Variants in LNX1 observed in about 807,000 individuals in gnomAD.
LNX1 encodes the protein E3 ubiquitin-protein ligase LNX.
LNX1 carries 54 observed loss-of-function variants against 68.4 expected under a neutral mutation model. The ratio of observed to expected loss-of-function variants is 0.79; its 90% confidence interval spans 0.63 to 0.99. The LOEUF (loss-of-function observed/expected upper bound fraction) is 0.99, where lower values mean the gene tolerates loss of function less well. Ranked by LOEUF, LNX1 falls within the 50% of genes least tolerant of loss-of-function variation. LNX1 has a pLI of 0.00. For synonymous variants in LNX1, 336 were observed against 350.0 expected (o/e 0.96, Z 0.45); for missense variants, 906 against 926.4 (o/e 0.98, Z 0.29).
intron 1 of LNX1, among the ~76,000 whole-genome samples, chr4:53,636,979 A>C (rs1353783364): frequency 1.4e-5 from 2 of 146,074 alleles, no homozygotes; most frequent in Non-Finnish European, 3.0e-5. Context: ...ATGGCAACTG[A>C]GATGATGATT....
Position 53,460,935 on chromosome 4 carries a change from A to C in LNX1, c.2159T>G (p.Ile720Ser). ...KELKGRITLT[I>S]VSWPGTFL The stretch of plus-strand genomic sequence containing the variant: ...TAAAAAAGTGCCAGGCCAAGAAACA[A>C]TAGTTAGAGTAATTCTTCCTTTAAG... Residue 720 changes from isoleucine to serine, a missense_variant, in exon 11 of 11, where the codon ATT becomes AGT. Physicochemically the swap from Ile to Ser is moderately radical, Grantham distance 142. Coordinates refer to ENST00000263925, the MANE Select transcript of LNX1 (RefSeq NM_001126328.3). 1 of 1,610,752 alleles carries C rather than the reference A, an allele frequency of 6.2e-7. No homozygotes were observed. The highest frequency in any genetic ancestry group is 8.5e-7 in the Non-Finnish European group (1 of 1,178,696).
chr4:53,537,505 A>G (rs1423426248), intron 2 of LNX1, among the ~76,000 whole-genome samples: 1 of 152,248 alleles, frequency 6.6e-6, no homozygotes. Context: ...TTTTATAGCA[A>G]TACACAGTGA....
intron 2 of LNX1, among the ~76,000 whole-genome samples, chr4:53,564,222 G>T (rs554418984): frequency 8.5e-5 from 13 of 152,328 alleles, no homozygotes; most frequent in African/African-American, 3.1e-4. Context: ...CACACGGGCT[G>T]CATGGGCTAA....
At chr4:53,627,838 T>C (rs777373288) in intron 1 of LNX1, among the ~76,000 whole-genome samples, 33 of 152,268 alleles carry the variant, frequency 2.2e-4, no homozygotes, top group Middle Eastern at 6.8e-3. Context: ...CCCTCCTCAT[T>C]AGCCAGTTCT....
chr4:53,542,748 G>A (rs912866962), intron 2 of LNX1, among the ~76,000 whole-genome samples: 2 of 152,184 alleles, frequency 1.3e-5, no homozygotes, highest in Non-Finnish European at 2.9e-5. Context: ...GTAAGAATAG[G>A]GGTCAAGGTG....
intron 1 of LNX1, among the ~76,000 whole-genome samples, chr4:53,635,483 T>G (rs1376981230): frequency 6.6e-6 from 1 of 152,208 alleles, no homozygotes; most frequent in Non-Finnish European, 1.5e-5. Flanking sequence ...CTAATGAATA[T>G]TTATAATTAG....
chr4:53,500,242 A>G (rs1332074089), intron 4 of LNX1: 22 of 151,782 alleles, frequency 1.4e-4, no homozygotes, highest in Admixed American at 1.4e-3. Context: ...ATGAGCCAGC[A>G]GCACCGACTG....
At chr4:53,520,443 C>T (rs1277652623) in intron 2 of LNX1, among the ~76,000 whole-genome samples, 1 of 152,148 alleles carries the variant, frequency 6.6e-6, no homozygotes, top group Non-Finnish European at 1.5e-5. Flanking sequence ...TCTTCAGAGA[C>T]GCCAGAATCG....
At position 53,461,061 on chromosome 4, in the gene LNX1, CAAG is replaced by C. The variant is rs986587904; in HGVS notation, c.2052-22_2052-20del. The C allele has an allele frequency of 1.3e-6, 2 of 1,532,190 alleles. No individual in the cohort carries two copies. The highest frequency in any genetic ancestry group is 2.9e-5 in the African/African-American group (2 of 69,752). The allele number at this position is 1,532,190 out of a possible 1,614,324, so 94.9% of individuals were successfully genotyped here. On this transcript the variant is annotated intron_variant, in intron 10 of 10. Transcript: ENST00000263925. ...ACCACATCTAAAAAAAAAAACAAAA[CAAG>C]ATATGATTAGTATTTTAATTCGTTG...
chr4:53,473,238 A>G (rs1723353649), intron 9 of LNX1, among the ~76,000 whole-genome samples: 1 of 152,250 alleles, frequency 6.6e-6, no homozygotes, highest in Non-Finnish European at 1.5e-5. Context: ...CCAATGGAAC[A>G]GAACACAAAA....
chr4:53,502,248 A>G lies in LNX1; in HGVS notation c.776-3405T>C, dbSNP rs372135243. ...AGTCACATGGATTACACTGTCCCCTATGGCTGCTATGGTCATTAATTTATA... is the reference window on the plus strand; with the variant it reads ...AGTCACATGGATTACACTGTCCCCTGTGGCTGCTATGGTCATTAATTTATA... On this transcript the variant is annotated intron_variant, in intron 4 of 10. Transcript: ENST00000263925. Among the ~76,000 whole-genome samples, 69 of 152,244 alleles carry G rather than the reference A, an allele frequency of 4.5e-4. No homozygotes were observed. In the South Asian group the frequency reaches 0.013, roughly 29 times the overall value.
chr4:53,491,303 A>C (rs1461986667), intron 6 of LNX1, among the ~76,000 whole-genome samples: 1 of 152,018 alleles, frequency 6.6e-6, no homozygotes, highest in Non-Finnish European at 1.5e-5. Flanking sequence ...CTAAGAATGC[A>C]GTTTCTTCAT....
chr4:53,648,491 T>C lies in LNX1; in HGVS notation c.-215+3677A>G, dbSNP rs557309076. ...TGTTGAACTGTAGGGGTTCTTTACA[T>C]ATTCTGGATATTAACCCCTTCTCAG... On this transcript the variant is annotated intron_variant, in intron 1 of 2. Coordinates refer to the LNX1 transcript ENST00000507168. Among the ~76,000 whole-genome samples, 5 of 152,352 alleles carry C rather than the reference T, an allele frequency of 3.3e-5. No individual in the cohort carries two copies. In the South Asian group the frequency reaches 8.3e-4, roughly 25 times the overall value.
At chr4:53,557,596 T>C (rs888330913) in intron 2 of LNX1, among the ~76,000 whole-genome samples, 2 of 151,324 alleles carry the variant, frequency 1.3e-5, no homozygotes, top group Non-Finnish European at 2.9e-5. Flanking sequence ...GTTACATCTA[T>C]TGAGGAAAAA....
intron 4 of LNX1, chr4:53,501,737 G>A: frequency 6.6e-6 from 1 of 152,206 alleles, no homozygotes. Flanking sequence ...GGTTGCTGAA[G>A]CAATGAGGCC....
At chr4:53,478,468 A>C in intron 8 of LNX1, 97 bp downstream of exon 8, 2 of 1,031,368 alleles carry the variant, frequency 1.9e-6, no homozygotes, top group Non-Finnish European at 2.8e-6. Context: ...TCACTCCCAC[A>C]TTCTCTCATT....
At chr4:53,503,836 A>G (rs1725672493) in intron 4 of LNX1, among the ~76,000 whole-genome samples, 1 of 152,224 alleles carries the variant, frequency 6.6e-6, no homozygotes, top group South Asian at 2.1e-4. Context: ...TGTATCATCT[A>G]CATTGAAAAT....
At chr4:53,534,777 C>G (rs1396303767) in intron 2 of LNX1, among the ~76,000 whole-genome samples, 1 of 152,200 alleles carries the variant, frequency 6.6e-6, no homozygotes, top group African/African-American at 2.4e-5. Flanking sequence ...AGTACCAAAT[C>G]AAGAGTCAAT....
At position 53,531,164 on chromosome 4, in the gene LNX1, G is replaced by A. The variant is rs538927560; in HGVS notation, c.381-22937C>T. Among the ~76,000 whole-genome samples the A allele has an allele frequency of 1.2e-4, 19 of 152,254 alleles. No individual in the cohort carries two copies. The South Asian group carries it at 3.7e-3, about 30-fold the overall frequency. On this transcript the variant is annotated intron_variant, in intron 2 of 10. Transcript: ENST00000263925. ...TTAGTCTCATACTTTCTTGCTTCCA[G>A]TAAGTTAAACTCAGCTGAGAGGTTT...
Sources: allele counts gnomAD v4.1 joint callset (sites outside exome capture counted in the v4.1 genomes callset), GRCh38; gene constraint gnomAD v4.1.1; transcripts MANE v1.5; gene names NCBI Gene and HGNC (gene_info 2026-07-23, HGNC 2026-07-21).